Variants in ZNF469 observed in about 807,000 individuals in gnomAD.
ZNF469 encodes zinc finger protein 469.
Under a neutral mutation model 1.0 loss-of-function variants are expected in ZNF469, and 1 was observed. The observed-to-expected ratio is 1.00, with a 90% CI of 0.35 to 4.73. The LOEUF (loss-of-function observed/expected upper bound fraction) is 4.73. Among genes scored for constraint, ZNF469 ranks in the 30% most tolerant of loss-of-function variants. ZNF469 has a pLI of 0.16. For synonymous variants in ZNF469, 2,703 were observed against 2,363.4 expected (o/e 1.14, Z -4.17); for missense variants, 6,100 against 5,356.3 (o/e 1.14, Z -4.33).
At position 88,438,503 on chromosome 16, in the gene ZNF469, G is replaced by A. The variant is rs781084356; in HGVS notation, c.11033G>A (p.Ser3678Asn). The A allele has an allele frequency of 7.6e-5, 118 of 1,550,022 alleles. No individual in the cohort carries two copies. The highest frequency in any genetic ancestry group is 9.9e-5 in the Non-Finnish European group (114 of 1,146,958). The change falls in exon 3 of 3, where the codon AGC becomes AAC. Residue 3678 changes from serine to asparagine, a missense_variant. Ser to Asn is a conservative substitution (Grantham distance 46). Coordinates refer to ENST00000565624, the MANE Select transcript of ZNF469 (RefSeq NM_001367624.2). The stretch of plus-strand genomic sequence containing the variant: ...GCCACCAAGCCTGCGGGCTGCCAGA[G>A]CTCATCAAAGGACAGGTCGGCAGCA... ...GSATKPAGCQSSSKDRSAAST... is the reference protein window; with the variant it reads ...GSATKPAGCQNSSKDRSAAST...
At chr16:88,293,573 A>T in the ZNF469 span, among the ~76,000 whole-genome samples, 5 of 152,284 alleles carry the variant, frequency 3.3e-5, no homozygotes, top group Admixed American at 3.3e-4. Context: ...ATCACCTGCC[A>T]AGATTCTGGG....
the ZNF469 span, among the ~76,000 whole-genome samples, chr16:88,265,142 A>G: frequency 6.6e-6 from 1 of 152,044 alleles, no homozygotes; most frequent in East Asian, 1.9e-4. Flanking sequence ...TCTGGATTTT[A>G]GCCAGCAATG....
the ZNF469 span, among the ~76,000 whole-genome samples, chr16:88,232,930 C>T: frequency 8.5e-5 from 13 of 152,238 alleles, no homozygotes; most frequent in African/African-American, 1.9e-4. Context: ...GTGGTCTGGC[C>T]GCCGCCTAGC....
the ZNF469 span, among the ~76,000 whole-genome samples, chr16:88,199,058 G>A: frequency 5.9e-5 from 9 of 152,238 alleles, no homozygotes; most frequent in South Asian, 1.7e-3. Flanking sequence ...TCTGACCCTC[G>A]ACCCTCCCCC....
chr16:88,353,161 C>T, the ZNF469 span, among the ~76,000 whole-genome samples: 1 of 152,082 alleles, frequency 6.6e-6, no homozygotes, highest in Non-Finnish European at 1.5e-5. Flanking sequence ...AACAGTCCTG[C>T]GGACAGTGCA....
the ZNF469 span, chr16:88,234,847 C>T: frequency 6.6e-6 from 1 of 152,300 alleles, no homozygotes; most frequent in African/African-American, 2.4e-5. Flanking sequence ...GGACGCAGTG[C>T]AAGCAATCGT....
At position 88,428,292 on chromosome 16, in the gene ZNF469, G is replaced by C; in HGVS notation, c.822G>C (p.Gln274His). ...PGGSPRGVSF[Q>H]FPFPALHGAS... ...GCAGCCCCAGGGGAGTTTCCTTCCA[G>C]TTCCCCTTCCCGGCACTGCATGGGG... The change falls in exon 3 of 3, where the codon CAG (glutamine) becomes CAC (histidine). Residue 274 changes from glutamine to histidine, a missense_variant. Coordinates refer to ENST00000565624, the MANE Select transcript of ZNF469 (RefSeq NM_001367624.2). 1.3e-6 allele frequency: 2 copies of C among 1,550,358 alleles called. No homozygotes were observed. The highest frequency in any genetic ancestry group is 1.7e-6 in the Non-Finnish European group (2 of 1,146,946).
the ZNF469 span, among the ~76,000 whole-genome samples, chr16:88,212,827 G>A: frequency 4.6e-5 from 7 of 151,856 alleles, no homozygotes; most frequent in South Asian, 4.2e-4. Context: ...CAAGCAATCC[G>A]CCTGCATTGG....
chr16:88,381,247 TGCACTCACAC>T (rs1406214294), upstream of ZNF469, among the ~76,000 whole-genome samples: 5 of 91,044 alleles, frequency 5.5e-5, no homozygotes, highest in South Asian at 3.8e-4. Context: ...CTCACAGACA[TGCACTCACAC>T]GCACTCACAC....
rs1012060303 is a variant in ZNF469 at position 88,429,234 on chromosome 16, C to G, written c.1764C>G (p.Pro588=). ...CACCGAGGGTAGTGGGAGCCTCCCCCAGCGAGTCCCCACTGCCGTCACCGG... is the reference window on the plus strand; with the variant it reads ...CACCGAGGGTAGTGGGAGCCTCCCCGAGCGAGTCCCCACTGCCGTCACCGG... ...LPPPRVVGAS[P]SESPLPSPAT... The change falls in exon 3 of 3, where the codon CCC becomes CCG. Residue 588 remains proline, a synonymous_variant. Coordinates refer to ENST00000565624, the MANE Select transcript of ZNF469 (RefSeq NM_001367624.2). 2 of 1,549,678 alleles carry G rather than the reference C, an allele frequency of 1.3e-6. No individual in the cohort carries two copies. The highest frequency in any genetic ancestry group is 1.7e-6 in the Non-Finnish European group (2 of 1,146,820).
the ZNF469 span, among the ~76,000 whole-genome samples, chr16:88,130,831 C>CCGGCGCTGGGAAA: frequency 6.6e-6 from 1 of 152,176 alleles, no homozygotes; most frequent in Non-Finnish European, 1.5e-5. Context: ...CAGCGCAGCA[C>CCGGCGCTGGGAAA]CGGCGCTGGG....
At chr16:88,182,261 T>C in the ZNF469 span, among the ~76,000 whole-genome samples, 2 of 152,154 alleles carry the variant, frequency 1.3e-5, no homozygotes, top group Non-Finnish European at 2.9e-5. Flanking sequence ...ACCATGTTCA[T>C]GGATTTGAGG....
intron 1 of ZNF469, among the ~76,000 whole-genome samples, chr16:88,397,504 A>G (rs1158472379): frequency 2.0e-5 from 3 of 152,218 alleles, no homozygotes; most frequent in Non-Finnish European, 4.4e-5. Flanking sequence ...TTAAAGGGCA[A>G]GGTCGTGTAT....
At chr16:88,259,335 C>G in the ZNF469 span, among the ~76,000 whole-genome samples, 1 of 151,888 alleles carries the variant, frequency 6.6e-6, no homozygotes, top group East Asian at 2.0e-4. The surrounding 1 kb of genome is among the most constrained non-coding windows in gnomAD (Gnocchi z 4.1). Flanking sequence ...AGCCGCATCC[C>G]GCGCCCCCAT....
the ZNF469 span, among the ~76,000 whole-genome samples, chr16:88,304,959 C>T: frequency 1.3e-5 from 2 of 152,116 alleles, no homozygotes; most frequent in South Asian, 4.1e-4. Context: ...TAAAGCCACA[C>T]CCAAGTTCCA....
chr16:88,383,489 G>A (rs1477589630), intron 1 of ZNF469, among the ~76,000 whole-genome samples: 1 of 149,218 alleles, frequency 6.7e-6, no homozygotes, highest in Non-Finnish European at 1.5e-5. Flanking sequence ...GCCGGGGCCC[G>A]GCGGGGGCCG....
the ZNF469 span, among the ~76,000 whole-genome samples, chr16:88,298,969 C>T: frequency 0.014 from 2,083 of 152,308 alleles, 41 homozygotes; most frequent in African/African-American, 0.048. Context: ...ACACAGCAGA[C>T]GCTTGCCCGG....
chr16:88,357,547 G>A, the ZNF469 span, among the ~76,000 whole-genome samples: 1 of 152,310 alleles, frequency 6.6e-6, no homozygotes, highest in Non-Finnish European at 1.5e-5. Flanking sequence ...CTCTTTCCGA[G>A]CCAGCATCTC....
At chr16:88,168,076 A>G in the ZNF469 span, among the ~76,000 whole-genome samples, 1 of 152,160 alleles carries the variant, frequency 6.6e-6, no homozygotes, top group South Asian at 2.1e-4. The surrounding 1 kb of genome is among the most constrained non-coding windows in gnomAD (Gnocchi z 4.3). Context: ...TCCCTTATTC[A>G]TTTACACTTC....
Sources: gnomAD v4.1 joint callset for allele counts (sites outside exome capture counted in the v4.1 genomes callset) on GRCh38, gnomAD v4.1.1 for gene constraint, Gnocchi (gnomAD v3.1) non-coding constraint, MANE v1.5 for transcripts, NCBI Gene and HGNC (gene_info 2026-07-23, HGNC 2026-07-21) for gene names.